The following F8 variants were observed in gnomAD, a reference collection of about 807,000 sequenced individuals.
F8 encodes coagulation factor VIII, also known as antihemophilic factor.
In F8, 12 loss-of-function variants were observed where a neutral mutation model predicts 140.6. That is an observed-to-expected ratio of 0.09 (90% confidence interval 0.05 to 0.14). The LOEUF (loss-of-function observed/expected upper bound fraction) is 0.14. Ranked by LOEUF, F8 falls within the 10% of genes least tolerant of loss-of-function variation. The pLI, the probability that F8 is intolerant of heterozygous loss-of-function variation, is 1.00. For synonymous variants in F8, 585 were observed against 614.6 expected (o/e 0.95, Z 0.71); for missense variants, 1,354 against 1,720.7 (o/e 0.79, Z 3.77).
intron 1 of F8, among the ~76,000 whole-genome samples, chrX:155,018,601 A>G (rs782062120): frequency 1.8e-5 from 2 of 112,488 alleles, no homozygotes; most frequent in East Asian, 5.5e-4. Flanking sequence ...TAGCAAAGAT[A>G]GAGGAATTTA....
At position 154,844,718 on chromosome X, in the gene F8, A is replaced by G. The variant is rs1285109259; in HGVS notation, c.6901-6966T>C. 3.6e-5 allele frequency among the ~76,000 whole-genome samples: 4 copies of G among 111,831 alleles called. No homozygotes were observed. The Admixed American group carries it at 3.8e-4, about 11-fold the overall frequency. On this transcript the variant is annotated intron_variant, in intron 25 of 25. Coordinates refer to ENST00000360256, the MANE Select transcript of F8 (RefSeq NM_000132.4). ...TGAGACAATGGTGTTTTCTAGATATACAATCATGTCGTCTGCGAACAGGGA... is the reference window on the plus strand; with the variant it reads ...TGAGACAATGGTGTTTTCTAGATATGCAATCATGTCGTCTGCGAACAGGGA...
At chrX:154,982,057 G>A (rs1557283676) in intron 6 of F8, among the ~76,000 whole-genome samples, 1 of 110,022 alleles carries the variant, frequency 9.1e-6, no homozygotes, top group African/African-American at 3.3e-5. Flanking sequence ...GGTGGCACAT[G>A]CCTGTAATCC....
At chrX:154,914,088 A>G (rs2073082306) in intron 14 of F8, among the ~76,000 whole-genome samples, 1 of 112,623 alleles carries the variant, frequency 8.9e-6, no homozygotes, top group South Asian at 3.6e-4. Flanking sequence ...CCAAACCTCA[A>G]TTTTTGTCTT....
chrX:154,959,831 C>A (rs186838633), intron 10 of F8, among the ~76,000 whole-genome samples: 91 of 112,284 alleles, frequency 8.1e-4, no homozygotes, highest in African/African-American at 2.7e-3. Context: ...CCCAGTTCTG[C>A]AGTTAACATT....
chrX:154,944,968 A>G (rs2073294848), intron 13 of F8, among the ~76,000 whole-genome samples: 1 of 110,285 alleles, frequency 9.1e-6, no homozygotes. Context: ...GAATTGAACA[A>G]TGAGAACACA....
Position 154,902,115 on chromosome X carries a change from C to G in F8, c.6051G>C (p.Val2017=). The G allele has an allele frequency of 8.3e-7, 1 of 1,211,118 alleles. No individual in the cohort carries two copies. The highest frequency in any genetic ancestry group is 1.1e-6 in the Non-Finnish European group (1 of 894,903). Residue 2017 remains valine, a synonymous_variant, in exon 19 of 26, where the codon GTG becomes GTC. Coordinates refer to ENST00000360256, the MANE Select transcript of F8 (RefSeq NM_000132.4). ...MLPSKAGIWR[V]ECLIGEHLHA... ...GTAGATGCTCGCCAATAAGGCATTC[C>G]ACCCGCCAAATTCCAGCTTTGGATG...
intron 25 of F8, 136 bp downstream of exon 25, chrX:154,860,296 G>A (rs1442372493): frequency 3.3e-6 from 2 of 611,885 alleles, no homozygotes; most frequent in Non-Finnish European, 5.3e-6. Flanking sequence ...CTTTTACAAT[G>A]TCTTGCTACC....
chrX:154,990,400 A>G (rs1205234554), intron 4 of F8, among the ~76,000 whole-genome samples: 2 of 111,721 alleles, frequency 1.8e-5, no homozygotes, highest in East Asian at 2.8e-4. Context: ...ACCTTTCACT[A>G]TCATCTACTT....
intron 13 of F8, among the ~76,000 whole-genome samples, chrX:154,937,286 AT>A (rs1569559713): frequency 9.0e-6 from 1 of 111,286 alleles, no homozygotes; most frequent in Non-Finnish European, 1.9e-5. Flanking sequence ...AAACAAAAAA[AT>A]TTTTTTAATT....
rs370806681 is a variant in F8 at position 154,955,618 on chromosome X, G to A, written c.1752+1339C>T. Among the ~76,000 whole-genome samples the A allele has an allele frequency of 1.2e-4, 13 of 110,221 alleles. No homozygotes were observed. In the East Asian group the frequency reaches 3.7e-3, roughly 31 times the overall value. On this transcript the variant is annotated intron_variant, in intron 11 of 25. Coordinates refer to ENST00000360256, the MANE Select transcript of F8 (RefSeq NM_000132.4). ...AGAAATTTTACAGCTGGGTCTCCAG[G>A]GGTGACATCACATGTCGGCAGGTTC... is the stretch of plus-strand genomic sequence containing the variant.
chrX:154,952,378 T>A (rs1260738546), intron 12 of F8, among the ~76,000 whole-genome samples: 3 of 111,576 alleles, frequency 2.7e-5, no homozygotes, highest in Non-Finnish European at 5.7e-5. Context: ...TGGAGAATAA[T>A]ATATCACTAT....
intron 25 of F8, among the ~76,000 whole-genome samples, chrX:154,846,411 G>T (rs1362118084): frequency 2.7e-5 from 3 of 111,328 alleles, no homozygotes; most frequent in Non-Finnish European, 5.7e-5. Flanking sequence ...TTATTGTGTG[G>T]GAGTCTAAGT....
chrX:154,939,499 G>C (rs2073245032), intron 13 of F8, among the ~76,000 whole-genome samples: 1 of 112,685 alleles, frequency 8.9e-6, no homozygotes, highest in Non-Finnish European at 1.9e-5. Context: ...GGCTTGAGTA[G>C]GTAAACAAAG....
At chrX:154,851,558 C>G (rs887204362) in intron 25 of F8, among the ~76,000 whole-genome samples, 1 of 111,032 alleles carries the variant, frequency 9.0e-6, no homozygotes. Context: ...TGTTATTTTC[C>G]CGCTTGACAT....
At position 154,906,854 on chromosome X, in the gene F8, A is replaced by G. The variant is rs2073040823; in HGVS notation, c.5220-281T>C. On this transcript the variant is annotated intron_variant, in intron 14 of 25. Coordinates refer to ENST00000360256, the MANE Select transcript of F8 (RefSeq NM_000132.4). ...CGAATGTTGAATGAATGTAAAGTTT[A>G]TAAACATACTCCAAATATAAGAGAG... Among the ~76,000 whole-genome samples, 5 of 112,604 alleles carry G rather than the reference A, an allele frequency of 4.4e-5. No individual in the cohort carries two copies. In the South Asian group the frequency reaches 1.8e-3, roughly 41 times the overall value.
intron 1 of F8, among the ~76,000 whole-genome samples, chrX:155,003,355 G>A (rs782097345): frequency 1.9e-5 from 2 of 107,089 alleles, no homozygotes; most frequent in African/African-American, 3.4e-5. Flanking sequence ...GCTGAGGAAA[G>A]AATCTCTGAG....
intron 20 of F8, among the ~76,000 whole-genome samples, chrX:154,900,534 T>C (rs374671794): frequency 8.9e-6 from 1 of 112,132 alleles, no homozygotes; most frequent in East Asian, 2.8e-4. Flanking sequence ...CCGCCTATTA[T>C]TTATTACGCA....
Position 154,838,289 on chromosome X carries a change from A to T in F8, c.6901-537T>A, listed in dbSNP as rs781975830. Among the ~76,000 whole-genome samples the T allele has an allele frequency of 4.5e-5, 5 of 111,785 alleles. No homozygotes were observed. In the East Asian group the frequency reaches 1.1e-3, roughly 25 times the overall value. ...GAGAAAGAAGTGGGAAGAGTCTAAGACTCAAGGCACCTTGCTACTCCAGGA... is the reference window on the plus strand; with the variant it reads ...GAGAAAGAAGTGGGAAGAGTCTAAGTCTCAAGGCACCTTGCTACTCCAGGA... On this transcript the variant is annotated intron_variant, in intron 25 of 25. Coordinates refer to ENST00000360256, the MANE Select transcript of F8 (RefSeq NM_000132.4).
intron 1 of F8, among the ~76,000 whole-genome samples, chrX:155,003,800 A>T (rs1557285857): frequency 9.1e-6 from 1 of 109,751 alleles, no homozygotes; most frequent in Non-Finnish European, 1.9e-5. Context: ...TTACTAAAAA[A>T]TACAAAAAAA....
Sources: allele counts gnomAD v4.1 joint callset (sites outside exome capture counted in the v4.1 genomes callset), GRCh38; gene constraint gnomAD v4.1.1; transcripts MANE v1.5; gene names NCBI Gene and HGNC (gene_info 2026-07-23, HGNC 2026-07-21).